Variants in ST6GALNAC3 observed in about 807,000 individuals in gnomAD.
ST6GALNAC3 encodes alpha-N-acetylgalactosaminide alpha-2,6-sialyltransferase 3.
ST6GALNAC3 carries 25 observed loss-of-function variants against 32.7 expected under a neutral mutation model. The ratio of observed to expected loss-of-function variants is 0.76; its 90% CI spans 0.56 to 1.07. ST6GALNAC3 has a LOEUF of 1.07. Among genes scored for constraint, ST6GALNAC3 ranks in the 50% least tolerant of loss-of-function variants. The pLI, the probability that ST6GALNAC3 is intolerant of heterozygous loss-of-function variation, is 0.00. For missense variants in ST6GALNAC3, 355 were observed against 382.4 expected, an observed-to-expected ratio of 0.93 and a Z score of 0.60; for synonymous variants, 129 against 133.1, an observed-to-expected ratio of 0.97 and a Z score of 0.21.
At chr1:76,316,025 T>A (rs761800147) in intron 2 of ST6GALNAC3, among the ~76,000 whole-genome samples, 16 of 151,968 alleles carry the variant, frequency 1.1e-4, no homozygotes, top group Non-Finnish European at 1.8e-4. Flanking sequence ...TAATCATGGT[T>A]TTACAAATTA....
chr1:76,476,516 T>C (rs1160368328), intron 3 of ST6GALNAC3, among the ~76,000 whole-genome samples: 1 of 152,208 alleles, frequency 6.6e-6, no homozygotes, highest in Non-Finnish European at 1.5e-5. Flanking sequence ...ATTCTTTTTC[T>C]GATTCAGACA....
intron 1 of ST6GALNAC3, among the ~76,000 whole-genome samples, chr1:76,289,852 C>A (rs1659979693): frequency 6.6e-6 from 1 of 152,200 alleles, no homozygotes; most frequent in South Asian, 2.1e-4. Flanking sequence ...CCCAACCCCC[C>A]TTCCACAGGG....
intron 3 of ST6GALNAC3, among the ~76,000 whole-genome samples, chr1:76,453,873 G>A (rs1207513866): frequency 6.6e-6 from 1 of 152,004 alleles, no homozygotes; most frequent in East Asian, 1.9e-4. Flanking sequence ...GCTGTCAGTG[G>A]AGTATTGAAA....
chr1:76,528,774 A>G (rs1231275305), intron 3 of ST6GALNAC3, among the ~76,000 whole-genome samples: 1 of 151,594 alleles, frequency 6.6e-6, no homozygotes, highest in Non-Finnish European at 1.5e-5. Context: ...ACGAGCAAGA[A>G]TATCTTTGTT....
chr1:76,331,283 C>A (rs925676601), intron 2 of ST6GALNAC3, among the ~76,000 whole-genome samples: 3 of 152,110 alleles, frequency 2.0e-5, no homozygotes, highest in African/African-American at 7.2e-5. Flanking sequence ...GAAGTGGTTG[C>A]TTTCTATGGC....
At chr1:76,530,408 T>A (rs1178482994) in intron 3 of ST6GALNAC3, among the ~76,000 whole-genome samples, 2 of 152,132 alleles carry the variant, frequency 1.3e-5, no homozygotes, top group Non-Finnish European at 2.9e-5. Flanking sequence ...TAGGGGTTCA[T>A]TATACTTGAA....
At chr1:76,399,604 T>C (rs1653247558) in intron 2 of ST6GALNAC3, among the ~76,000 whole-genome samples, 1 of 152,216 alleles carries the variant, frequency 6.6e-6, no homozygotes, top group Non-Finnish European at 1.5e-5. Context: ...TAGAGTTCCA[T>C]GGAAGAAATC....
At chr1:76,556,334 C>T (rs557308385) in intron 3 of ST6GALNAC3, among the ~76,000 whole-genome samples, 1 of 152,140 alleles carries the variant, frequency 6.6e-6, no homozygotes, top group African/African-American at 2.4e-5. Flanking sequence ...ATGCTGCTAT[C>T]AACATTCATG....
At chr1:76,387,730 A>G (rs958488736) in intron 2 of ST6GALNAC3, among the ~76,000 whole-genome samples, 3 of 152,184 alleles carry the variant, frequency 2.0e-5, no homozygotes, top group African/African-American at 7.2e-5. Flanking sequence ...TAGGTAGGGT[A>G]TTCTGTTGAC....
At chr1:76,508,831 C>G (rs17099097) in intron 3 of ST6GALNAC3, among the ~76,000 whole-genome samples, 1 of 152,078 alleles carries the variant, frequency 6.6e-6, no homozygotes, top group African/African-American at 2.4e-5. Flanking sequence ...AAATATTCAG[C>G]TGATTTCTGA....
chr1:76,133,012 A>G (rs1266032341), intron 1 of ST6GALNAC3, among the ~76,000 whole-genome samples: 3 of 151,942 alleles, frequency 2.0e-5, no homozygotes, highest in Admixed American at 2.0e-4. Flanking sequence ...TAATAGTGGC[A>G]TCAGTTTGTC....
intron 2 of ST6GALNAC3, among the ~76,000 whole-genome samples, chr1:76,400,289 A>G (rs911585581): frequency 6.6e-6 from 1 of 152,218 alleles, no homozygotes; most frequent in Non-Finnish European, 1.5e-5. Flanking sequence ...AGACAATCAA[A>G]TGATTTTACT....
intron 2 of ST6GALNAC3, among the ~76,000 whole-genome samples, chr1:76,391,524 CTTCCTT>C (rs1230654389): frequency 2.0e-3 from 4 of 1,994 alleles, no homozygotes; most frequent in South Asian, 0.045. Flanking sequence ...TAGGAAAGAC[CTTCCTT>C]CCTTCCTTCC....
intron 3 of ST6GALNAC3, among the ~76,000 whole-genome samples, chr1:76,423,401 G>A (rs1251085529): frequency 6.6e-6 from 1 of 151,934 alleles, no homozygotes; most frequent in Non-Finnish European, 1.5e-5. Context: ...CCAAAGCCAA[G>A]CGTTCTTTTT....
intron 1 of ST6GALNAC3, among the ~76,000 whole-genome samples, chr1:76,182,000 C>G (rs1570341778): frequency 1.3e-5 from 2 of 152,264 alleles, no homozygotes; most frequent in Middle Eastern, 3.4e-3. Flanking sequence ...AGCACTGAGT[C>G]TCTCTTATGA....
chr1:76,422,674 C>A (rs557884425), intron 3 of ST6GALNAC3, among the ~76,000 whole-genome samples: 1 of 151,964 alleles, frequency 6.6e-6, no homozygotes, highest in Non-Finnish European at 1.5e-5. Flanking sequence ...GCATTTCTAA[C>A]AGAATTCCAG....
intron 1 of ST6GALNAC3, among the ~76,000 whole-genome samples, chr1:76,290,383 A>G (rs1660015635): frequency 6.6e-6 from 1 of 152,178 alleles, no homozygotes; most frequent in Non-Finnish European, 1.5e-5. Flanking sequence ...TAAAACATTC[A>G]GATCTACCTC....
chr1:76,409,405 C>T (rs73006132), intron 2 of ST6GALNAC3, among the ~76,000 whole-genome samples: 25 of 152,068 alleles, frequency 1.6e-4, no homozygotes, highest in African/African-American at 6.0e-4. Context: ...ATGCCTTTGT[C>T]GGTCTGGCAC....
intron 1 of ST6GALNAC3, among the ~76,000 whole-genome samples, chr1:76,277,565 TATAC>T (rs1659224568): frequency 5.8e-5 from 3 of 51,568 alleles, no homozygotes; most frequent in Non-Finnish European, 1.1e-4. Flanking sequence ...TATATATATA[TATAC>T]ACACACACAT....
Sources: gnomAD v4.1 joint callset for allele counts (sites outside exome capture counted in the v4.1 genomes callset) on GRCh38, gnomAD v4.1.1 for gene constraint, MANE v1.5 for transcripts, NCBI Gene and HGNC (gene_info 2026-07-23, HGNC 2026-07-21) for gene names.